Variants in SKP1 observed in about 807,000 individuals in gnomAD.
The protein encoded by SKP1 is S-phase kinase-associated protein 1.
A neutral mutation model predicts 21.5 loss-of-function variants in SKP1; 1 was observed. That is an observed-to-expected ratio of 0.05 (90% CI 0.02 to 0.22). The LOEUF is 0.22. SKP1 is among the 10% of genes least tolerant of loss of function. SKP1 has a pLI of 1.00. For synonymous variants in SKP1, 59 were observed against 59.3 expected (o/e 0.99, Z 0.03); for missense variants, 70 against 192.0 (o/e 0.36, Z 3.76).
At position 134,164,224 on chromosome 5, in the gene SKP1, CAGG is replaced by C. The variant is rs1404517946; in HGVS notation, c.171+2943_171+2945del. Among the ~76,000 whole-genome samples, 4 of 149,612 alleles carry C rather than the reference CAGG, an allele frequency of 2.7e-5. No individual in the cohort carries two copies. In the South Asian group the frequency reaches 6.3e-4, roughly 23 times the overall value. ...GTAATCCCAGCTACTGAGGCTGAAG[CAGG>C]AGAACTGCTTAAAGCCCGGAGGCAG... On this transcript the variant is annotated intron_variant, in intron 3 of 5. Transcript: ENST00000353411.
At chr5:134,175,942 AC>A (rs541515092) in intron 1 of SKP1, among the ~76,000 whole-genome samples, 40 of 135,034 alleles carry the variant, frequency 3.0e-4, no homozygotes, top group South Asian at 1.7e-3. Flanking sequence ...AGAAAAAAAA[AC>A]CCCTGCGCTT....
In SKP1 at chr5:134,149,240, C is replaced by T. The variant is rs1016077812; in HGVS notation, c.*8493G>A. ...CATACCTCATCCCCCTTTCATCTCC[C>T]ACCTTTTGAAGTCTCCAATGTCTAT... On this transcript the variant is annotated 3_prime_UTR_variant, in exon 6 of 6. Coordinates refer to ENST00000353411, the MANE Select transcript of SKP1 (RefSeq NM_170679.3). 6.6e-6 allele frequency: 1 copy of T among 152,208 alleles called. No individual in the cohort carries two copies. The highest frequency in any genetic ancestry group is 2.4e-5 in the African/African-American group (1 of 41,432). 9.4% of individuals were successfully genotyped at this position (152,208 alleles called of 1,614,324 possible).
At chr5:134,158,677 T>C (rs893981835) in intron 4 of SKP1, 82 bp from the exon 5 acceptor site, 4 of 1,157,890 alleles carry the variant, frequency 3.5e-6, no homozygotes, top group Admixed American at 1.8e-5. Context: ...ACTCCGTATC[T>C]AATAAAGCTT....
chr5:134,163,175 A>AGC (rs1761250028), intron 3 of SKP1, among the ~76,000 whole-genome samples: 1 of 137,846 alleles, frequency 7.3e-6, no homozygotes, highest in Non-Finnish European at 1.5e-5. Flanking sequence ...TGATCGTGCC[A>AGC]CTGCACTCCA....
At chr5:134,158,106 T>C in intron 5 of SKP1, 2 of 1,408,190 alleles carry the variant, frequency 1.4e-6, no homozygotes, top group South Asian at 2.7e-5. Context: ...CCTCATTAAG[T>C]TGCTCTAAAG....
chr5:134,163,177 T>TGA (rs1761250100), intron 3 of SKP1, among the ~76,000 whole-genome samples: 1 of 122,912 alleles, frequency 8.1e-6, no homozygotes, highest in Non-Finnish European at 1.6e-5. Context: ...ATCGTGCCAC[T>TGA]GCACTCCAGC....
rs1561724086 is a variant in SKP1 at position 134,174,033 on chromosome 5, A to G, written c.1-11T>C. The G allele has an allele frequency of 6.7e-7, 1 of 1,485,074 alleles. No homozygotes were observed. The allele number at this position is 1,485,074 out of a possible 1,614,324, so 92.0% of individuals were successfully genotyped here. On this transcript the variant is annotated splice_polypyrimidine_tract_variant and intron_variant, in intron 1 of 5. Coordinates refer to ENST00000353411, the MANE Select transcript of SKP1 (RefSeq NM_170679.3). Reference sequence around the variant, plus strand: ...CTTAATTGAAGGCATCTAAAAAAAAAGGACATTAAATATAAAATTTAAGAG... The same window carrying G: ...CTTAATTGAAGGCATCTAAAAAAAAGGGACATTAAATATAAAATTTAAGAG...
At chr5:134,158,857 G>T (rs1561718213) in intron 4 of SKP1, among the ~76,000 whole-genome samples, 2 of 152,154 alleles carry the variant, frequency 1.3e-5, no homozygotes, top group Non-Finnish European at 2.9e-5. Context: ...CTACTGTTGT[G>T]TATGTGTGTA....
chr5:134,175,682 T>C (rs1242914314), intron 1 of SKP1: 2 of 152,146 alleles, frequency 1.3e-5, no homozygotes, highest in Admixed American at 1.3e-4. Flanking sequence ...CTTAAGGGAG[T>C]TGAGACCTTA....
At chr5:134,174,951 G>C (rs1376709727) in intron 1 of SKP1, 3 of 151,934 alleles carry the variant, frequency 2.0e-5, no homozygotes, top group Non-Finnish European at 4.4e-5. Context: ...ATTAATTCAA[G>C]GCCTCTTAAA....
intron 2 of SKP1, 39 bp from the exon 3 acceptor site, chr5:134,167,282 A>C (rs1761349644): frequency 7.9e-7 from 1 of 1,266,896 alleles, no homozygotes; most frequent in East Asian, 2.3e-5. Context: ...TCCTAATTCC[A>C]TTATAATACT....
chr5:134,173,807 A>G (rs533047209), intron 2 of SKP1, 119 bp downstream of exon 2: 1 of 727,150 alleles, frequency 1.4e-6, no homozygotes, highest in Non-Finnish European at 2.6e-6. Context: ...AAAAATGTAA[A>G]CTTTACCTCT....
In SKP1 at chr5:134,154,922, T is replaced by A. The variant is rs1231897414; in HGVS notation, c.*2811A>T. On this transcript the variant is annotated 3_prime_UTR_variant, in exon 6 of 6. Coordinates refer to ENST00000353411, the MANE Select transcript of SKP1 (RefSeq NM_170679.3). ...TATCAAGCTCTCCCCTCTCATGCATTAAAACTACTCTTCTTGTTTTCATTA... is the reference window on the plus strand; with the variant it reads ...TATCAAGCTCTCCCCTCTCATGCATAAAAACTACTCTTCTTGTTTTCATTA... The A allele has an allele frequency of 6.6e-6, 1 of 152,188 alleles. No homozygotes were observed. The highest frequency in any genetic ancestry group is 1.5e-5 in the Non-Finnish European group (1 of 68,024). The allele number at this position is 152,188 out of a possible 1,614,324, so 9.4% of individuals were successfully genotyped here. A position where few individuals can be genotyped will look rare whatever the true frequency, so the allele number is the denominator to read the frequency against.
At chr5:134,165,921 T>C (rs531385701) in intron 3 of SKP1, among the ~76,000 whole-genome samples, 106 of 145,608 alleles carry the variant, frequency 7.3e-4, no homozygotes, top group African/African-American at 2.6e-3. Flanking sequence ...TAGCCAGGCA[T>C]GGTGGCTCCA....
chr5:134,165,241 A>G (rs1341863335), intron 3 of SKP1, among the ~76,000 whole-genome samples: 3 of 152,222 alleles, frequency 2.0e-5, no homozygotes, highest in African/African-American at 7.2e-5. Flanking sequence ...AATGTTATGT[A>G]TATTTTATCA....
chr5:134,171,916 T>C (rs1284422558), intron 2 of SKP1, among the ~76,000 whole-genome samples: 1 of 152,174 alleles, frequency 6.6e-6, no homozygotes, highest in East Asian at 1.9e-4. Context: ...TGGTGGCACA[T>C]GCCTGTAATC....
At chr5:134,164,363 CAGTA>C (rs1761288849) in intron 3 of SKP1, among the ~76,000 whole-genome samples, 1 of 150,248 alleles carries the variant, frequency 6.7e-6, no homozygotes, top group Non-Finnish European at 1.5e-5. Flanking sequence ...ATTATCTTCT[CAGTA>C]AGACATCTCC....
intron 2 of SKP1, among the ~76,000 whole-genome samples, chr5:134,167,822 C>G (rs1169050907): frequency 6.6e-6 from 1 of 152,190 alleles, no homozygotes; most frequent in Admixed American, 6.5e-5. Flanking sequence ...CCGCGTCCAG[C>G]CATCTAGAGA....
Position 134,157,632 on chromosome 5 carries a change from G to C in SKP1, c.*101C>G. On this transcript the variant is annotated 3_prime_UTR_variant, in exon 6 of 6. Coordinates refer to ENST00000353411, the MANE Select transcript of SKP1 (RefSeq NM_170679.3). Reference sequence around the variant, plus strand: ...CTGCTAATACAATTGACTTGCTGCTGCATTTGTCTACTGTTTGTCTAATAT... The same window carrying C: ...CTGCTAATACAATTGACTTGCTGCTCCATTTGTCTACTGTTTGTCTAATAT... 2 of 989,818 alleles carry C rather than the reference G, an allele frequency of 2.0e-6. No homozygotes were observed. The highest frequency in any genetic ancestry group is 3.3e-6 in the Non-Finnish European group (2 of 613,896). The allele number at this position is 989,818 out of a possible 1,614,324, so 61.3% of individuals were successfully genotyped here.
Sources: allele counts gnomAD v4.1 joint callset (sites outside exome capture counted in the v4.1 genomes callset), GRCh38; gene constraint gnomAD v4.1.1; transcripts MANE v1.5; gene names NCBI Gene and HGNC (gene_info 2026-07-23, HGNC 2026-07-21).